The following CIITA variants were observed in gnomAD, a reference collection of about 807,000 sequenced individuals.
CIITA encodes MHC class II transactivator.
A neutral mutation model predicts 115.1 loss-of-function variants in CIITA; 72 were observed. The observed-to-expected ratio is 0.63, with a 90% confidence interval of 0.52 to 0.76. The LOEUF is 0.76. CIITA is among the 30% of genes least tolerant of loss of function. The probability of loss-of-function intolerance (pLI) is 0.00; values close to 1 mark genes in which losing one functional copy is unlikely to be tolerated. For missense variants in CIITA, 1,617 were observed against 1,463.8 expected (o/e 1.10, Z -1.71); for synonymous variants, 763 against 635.6 (o/e 1.20, Z -3.02).
chr16:10,885,374 G>A (rs186120080), intron 1 of CIITA, among the ~76,000 whole-genome samples: 3 of 152,222 alleles, frequency 2.0e-5, no homozygotes, highest in East Asian at 1.9e-4. Context: ...ATGCACGCAC[G>A]TCTTCTAGTC....
rs1393684668 is a variant in CIITA, at chr16:10,932,426, A to C, written c.*8571A>C. On this transcript the variant is annotated 3_prime_UTR_variant, in exon 20 of 20. Coordinates refer to ENST00000324288, the MANE Select transcript of CIITA (RefSeq NM_000246.4). ...ATTTCACATGGAGCTCAGAGAGGTT[A>C]AGCAAGCCGTGCAAGGCCACACAGC... 1.3e-5 allele frequency: 2 copies of C among 152,202 alleles called. No individual in the cohort carries two copies. Among genetic ancestry groups the C allele is most frequent in the Non-Finnish European group, 2.9e-5 (2 of 68,054 alleles). The allele number at this position is 152,202 out of a possible 1,614,324, so 9.4% of individuals were successfully genotyped here. A position where few individuals can be genotyped will look rare whatever the true frequency, so the allele number is the denominator to read the frequency against.
At chr16:10,917,375 C>T (rs1596596698) in intron 15 of CIITA, among the ~76,000 whole-genome samples, 1 of 152,016 alleles carries the variant, frequency 6.6e-6, no homozygotes, top group Non-Finnish European at 1.5e-5. Flanking sequence ...GGTTTCACCA[C>T]GTTGCCCAGG....
Position 10,923,312 on chromosome 16 carries a change from G to C in CIITA, c.*9G>C. ...GGATCAGCCTGAGATGATCCCAGCT[G>C]TGCTCTGGACAGGGTAACCAGGGTG... On this transcript the variant is annotated 3_prime_UTR_variant, in exon 19 of 20. Transcript: ENST00000324288. The surrounding 1 kb of genome is among the most constrained non-coding windows in gnomAD (Gnocchi z 5.2). The C allele has an allele frequency of 6.2e-7, 1 of 1,612,230 alleles. No homozygotes were observed. Among genetic ancestry groups the C allele is most frequent in the Non-Finnish European group, 8.5e-7 (1 of 1,178,820 alleles).
At chr16:10,874,259 C>T (rs1401370820), upstream of CIITA, among the ~76,000 whole-genome samples, 2 of 152,216 alleles carry the variant, frequency 1.3e-5, no homozygotes, top group Non-Finnish European at 2.9e-5. Context: ...GTTGAGATTA[C>T]AGGCGTGAGC....
chr16:10,941,382 G>A, downstream of CIITA: 1 of 336,040 alleles, frequency 3.0e-6, no homozygotes, highest in Non-Finnish European at 4.7e-6. The surrounding 1 kb of genome is among the most constrained non-coding windows in gnomAD (Gnocchi z 6.4). Flanking sequence ...CCCCTTTGCT[G>A]GAGGAAGCTT....
In CIITA at chr16:10,907,033, C is replaced by T. The variant is rs1225897582; in HGVS notation, c.1541C>T (p.Thr514Met). Residue 514 changes from threonine to methionine, a missense_variant, in exon 11 of 20, where the codon ACG becomes ATG. Thr to Met is a moderately conservative substitution (Grantham distance 81, BLOSUM62 -1). Transcript: ENST00000324288. This position sits in a 1 kb window ranked among gnomAD's most constrained non-coding sequence, Gnocchi z 5.0. ...LEAQDGFLHS[T>M]CGPAPAEPCS... ...GCGCAAGATGGCTTCCTGCACAGCA[C>T]GTGCGGACCGGCACCGGCGGAGCCC... The T allele has an allele frequency of 1.2e-6, 2 of 1,607,868 alleles. No individual in the cohort carries two copies. Among genetic ancestry groups the T allele is most frequent in the East Asian group, 2.2e-5 (1 of 44,848 alleles).
intron 1 of CIITA, among the ~76,000 whole-genome samples, chr16:10,892,675 G>A (rs570506416): frequency 6.6e-6 from 1 of 152,360 alleles, no homozygotes; most frequent in South Asian, 2.1e-4. Context: ...GCTCATGCCT[G>A]TAATCCCAGC....
Position 10,901,601 on chromosome 16 carries a change from T to C in CIITA, c.481+43T>C, listed in dbSNP as rs1440077574. The C allele has an allele frequency of 5.0e-6, 8 of 1,597,490 alleles. No individual in the cohort carries two copies. The highest frequency in any genetic ancestry group is 6.9e-6 in the Non-Finnish European group (8 of 1,167,042). The stretch of plus-strand genomic sequence containing the variant: ...GCTGGGGTTGGGAAGGGTGGATGCC[T>C]TGGGGAGGGGATGGAAGAGATTGAA... On this transcript the variant is annotated intron_variant, in intron 6 of 19. Transcript: ENST00000324288. This position sits in a 1 kb window ranked among gnomAD's most constrained non-coding sequence, Gnocchi z 6.8.
rs2144696164 is a variant in CIITA, at chr16:10,906,593, G to A, written c.1101G>A (p.Gln367=). ...DGILVEVDLV[Q]ARLERSSSKS... ...TCCTAGTGGAGGTGGATCTGGTGCA[G>A]GCCAGGCTGGAGAGGAGCAGCAGCA... The change falls in exon 11 of 20, where the codon CAG becomes CAA. Residue 367 remains glutamine (Q), a synonymous_variant. Transcript: ENST00000324288. 1 of 1,613,688 alleles carries A rather than the reference G, an allele frequency of 6.2e-7. No homozygotes were observed. Among genetic ancestry groups the A allele is most frequent in the Middle Eastern group, 1.7e-4 (1 of 5,726 alleles).
At chr16:10,921,462 T>A (rs77409432) in intron 16 of CIITA, among the ~76,000 whole-genome samples, 3,030 of 152,332 alleles carry the variant, frequency 0.02, 72 homozygotes, top group East Asian at 0.14. Context: ...TCCTGTGATG[T>A]AGTCAGAACC....
chr16:10,881,009 C>G (rs185093854), intron 1 of CIITA, among the ~76,000 whole-genome samples: 34 of 152,328 alleles, frequency 2.2e-4, no homozygotes, highest in African/African-American at 8.2e-4. Flanking sequence ...AGCAGTGGTT[C>G]ACACCTGTAA....
In CIITA at chr16:10,932,333, T is replaced by C. The variant is rs1829868715; in HGVS notation, c.*8478T>C. 6.6e-6 allele frequency: 1 copy of C among 152,276 alleles called. No homozygotes were observed. 9.4% of individuals were successfully genotyped at this position (152,276 alleles called of 1,614,324 possible). ...GTTCACCTTGTACTACTCGAACTCA[T>C]GTCTTAACTCACTTATCCCTCAAAA... On this transcript the variant is annotated 3_prime_UTR_variant, in exon 20 of 20. Coordinates refer to ENST00000324288, the MANE Select transcript of CIITA (RefSeq NM_000246.4).
chr16:10,866,549 G>A (rs375055186), intron 1 of CIITA: 2 of 547,716 alleles, frequency 3.7e-6, no homozygotes, highest in South Asian at 1.4e-5. Flanking sequence ...GCCGAGAGGG[G>A]CCCCGGCCAC....
At position 10,923,157 on chromosome 16, in the gene CIITA, G is replaced by A; in HGVS notation, c.3318-71G>A. On this transcript the variant is annotated intron_variant, in intron 18 of 19. Coordinates refer to ENST00000324288, the MANE Select transcript of CIITA (RefSeq NM_000246.4). The surrounding 1 kb of genome is among the most constrained non-coding windows in gnomAD (Gnocchi z 5.2). Reference sequence around the variant, plus strand: ...GCTGGGTGGAAGGAGGGATTTGGGGGCAGCTGTCACTGGGGCCCCAGGCCG... The same window carrying A: ...GCTGGGTGGAAGGAGGGATTTGGGGACAGCTGTCACTGGGGCCCCAGGCCG... 7.9e-7 allele frequency: 1 copy of A among 1,270,430 alleles called. No homozygotes were observed. Among genetic ancestry groups the A allele is most frequent in the Non-Finnish European group, 1.1e-6 (1 of 874,996 alleles). 78.7% of individuals were successfully genotyped at this position (1,270,430 alleles called of 1,614,324 possible).
At chr16:10,916,183 T>A (rs1245470129) in intron 14 of CIITA, among the ~76,000 whole-genome samples, 184 bp from the exon 15 acceptor site, 2 of 152,180 alleles carry the variant, frequency 1.3e-5, no homozygotes, top group Non-Finnish European at 2.9e-5. Flanking sequence ...GGCTGCCTGG[T>A]TGGAGCCCCC....
At chr16:10,891,415 A>G (rs996516914) in intron 1 of CIITA, among the ~76,000 whole-genome samples, 1 of 152,162 alleles carries the variant, frequency 6.6e-6, no homozygotes, top group Non-Finnish European at 1.5e-5. Flanking sequence ...GGCAGACCCA[A>G]TGCCCTGTGA....
downstream of CIITA, chr16:10,938,272 A>C (rs1478979150): frequency 6.6e-6 from 1 of 152,048 alleles, no homozygotes; most frequent in Non-Finnish European, 1.5e-5. This position sits in a 1 kb window ranked among gnomAD's most constrained non-coding sequence, Gnocchi z 4.9. Flanking sequence ...ATGTGAACCC[A>C]GGGCCCTGGC....
intron 10 of CIITA, among the ~76,000 whole-genome samples, chr16:10,905,370 C>A (rs1173893459): frequency 6.6e-6 from 1 of 152,190 alleles, no homozygotes; most frequent in Non-Finnish European, 1.5e-5. Flanking sequence ...GACACGTGGG[C>A]TCCACTGTCT....
intron 13 of CIITA, among the ~76,000 whole-genome samples, chr16:10,912,994 G>A (rs1361695928): frequency 6.6e-6 from 1 of 152,252 alleles, no homozygotes; most frequent in Non-Finnish European, 1.5e-5. Context: ...GACTTCGTTT[G>A]TACACAGAGT....
Sources: allele counts gnomAD v4.1 joint callset (sites outside exome capture counted in the v4.1 genomes callset), GRCh38; gene constraint gnomAD v4.1.1; non-coding constraint Gnocchi (gnomAD v3.1); transcripts MANE v1.5; gene names NCBI Gene and HGNC (gene_info 2026-07-23, HGNC 2026-07-21).